The following DLGAP2 variants were observed in gnomAD, a reference collection of about 807,000 sequenced individuals.
DLGAP2 encodes the protein disks large-associated protein 2.
A neutral mutation model predicts 100.3 loss-of-function variants in DLGAP2; 26 were observed. The ratio of observed to expected loss-of-function variants is 0.26; its 90% confidence interval spans 0.19 to 0.36. DLGAP2 has a LOEUF of 0.36. Ranked by LOEUF, DLGAP2 falls within the 10% of genes least tolerant of loss-of-function variation. The pLI, the probability that DLGAP2 is intolerant of heterozygous loss-of-function variation, is 1.00. For missense variants in DLGAP2, 1,858 were observed against 1,453.2 expected, an observed-to-expected ratio of 1.28 and a Z score of -4.53; for synonymous variants, 886 against 630.1, an observed-to-expected ratio of 1.41 and a Z score of -6.08.
intron 2 of DLGAP2, among the ~76,000 whole-genome samples, chr8:1,188,597 G>A (rs1298865639): frequency 2.0e-5 from 3 of 151,986 alleles, no homozygotes; most frequent in African/African-American, 7.3e-5. Context: ...ACACACCCGG[G>A]ACGTCCGTGA....
intron 2 of DLGAP2, among the ~76,000 whole-genome samples, chr8:1,114,441 C>G (rs1012903513): frequency 6.6e-6 from 1 of 152,024 alleles, no homozygotes; most frequent in Non-Finnish European, 1.5e-5. Flanking sequence ...GTGTAAGTGT[C>G]CAGGAATTTA....
intron 3 of DLGAP2, among the ~76,000 whole-genome samples, chr8:1,339,545 T>C (rs1403192970): frequency 6.6e-6 from 1 of 152,258 alleles, no homozygotes; most frequent in Non-Finnish European, 1.5e-5. Context: ...AGCTTCCGTG[T>C]CACGTAAGTA....
intron 3 of DLGAP2, among the ~76,000 whole-genome samples, chr8:1,318,928 A>T (rs1266661166): frequency 6.6e-6 from 1 of 152,026 alleles, no homozygotes; most frequent in Admixed American, 6.5e-5. Flanking sequence ...GATTAACTCA[A>T]AACGCTCAGC....
intron 1 of DLGAP2, among the ~76,000 whole-genome samples, chr8:872,174 T>A (rs1467089707): frequency 1.3e-5 from 2 of 152,102 alleles, no homozygotes; most frequent in Non-Finnish European, 2.9e-5. Context: ...TAGAAGGAAT[T>A]TATTCTAAGG....
chr8:1,549,604 G>C lies in DLGAP2; in HGVS notation c.1151G>C (p.Arg384Pro), dbSNP rs370050230. 3.8e-6 allele frequency: 6 copies of C among 1,597,426 alleles called. No homozygotes were observed. The highest frequency in any genetic ancestry group is 1.1e-5 in the South Asian group (1 of 89,510). ...LTVSQAKEAY[R>P]KSSLNLDKPL... ...GTCAGCCAGGCCAAGGAGGCCTACC[G>C]CAAGAGCTCGCTGAACCTGGACAAG... Residue 384 changes from arginine to proline, a missense_variant, in exon 5 of 15, where the codon CGC becomes CCC. Coordinates refer to ENST00000637795, the MANE Select transcript of DLGAP2 (RefSeq NM_001346810.2).
At chr8:787,261 C>A (rs1015989155) in intron 1 of DLGAP2, among the ~76,000 whole-genome samples, 2 of 152,066 alleles carry the variant, frequency 1.3e-5, no homozygotes, top group Non-Finnish European at 2.9e-5. Flanking sequence ...GTAACTATGG[C>A]AGAGCCTGAC....
At chr8:1,569,129 C>G (rs1198317767) in intron 6 of DLGAP2, among the ~76,000 whole-genome samples, 1 of 149,468 alleles carries the variant, frequency 6.7e-6, no homozygotes, top group Non-Finnish European at 1.5e-5. Flanking sequence ...AGACACAAAT[C>G]CACTCTGCCC....
intron 2 of DLGAP2, among the ~76,000 whole-genome samples, chr8:1,062,481 T>C (rs1803114978): frequency 6.6e-6 from 1 of 152,112 alleles, no homozygotes; most frequent in South Asian, 2.1e-4. Flanking sequence ...GGCAGGAGGC[T>C]CTCCTCGGTA....
At chr8:1,092,578 C>T (rs1804221698) in intron 2 of DLGAP2, among the ~76,000 whole-genome samples, 1 of 152,198 alleles carries the variant, frequency 6.6e-6, no homozygotes, top group South Asian at 2.1e-4. Context: ...CACAGGTGGA[C>T]CCACTTCAGA....
chr8:1,382,877 C>G (rs1796128449), intron 3 of DLGAP2, among the ~76,000 whole-genome samples: 1 of 152,072 alleles, frequency 6.6e-6, no homozygotes, highest in African/African-American at 2.4e-5. Flanking sequence ...AGTTCTATAG[C>G]CAATTAAAAT....
chr8:1,454,945 C>T (rs369891097), intron 3 of DLGAP2, among the ~76,000 whole-genome samples: 7 of 152,264 alleles, frequency 4.6e-5, no homozygotes, highest in African/African-American at 1.4e-4. Flanking sequence ...CTGAGCTTCC[C>T]CGCCCATCGG....
chr8:878,768 C>T (rs11776653), intron 1 of DLGAP2, among the ~76,000 whole-genome samples: 122,454 of 151,618 alleles, frequency 0.81, 50,416 homozygotes, highest in African/African-American at 0.88. Flanking sequence ...TCCTGTTTGG[C>T]TTCTCTTTCA....
intron 3 of DLGAP2, among the ~76,000 whole-genome samples, chr8:1,272,752 G>T (rs150287848): frequency 6.6e-6 from 1 of 152,100 alleles, no homozygotes; most frequent in South Asian, 2.1e-4. Context: ...CTCGGACCAC[G>T]GGTGACTCTT....
At chr8:1,175,760 A>C (rs1171326278) in intron 2 of DLGAP2, among the ~76,000 whole-genome samples, 4 of 152,216 alleles carry the variant, frequency 2.6e-5, no homozygotes, top group African/African-American at 9.6e-5. Flanking sequence ...GATCTTTGTC[A>C]TTCACCCTAT....
At chr8:903,416 T>C (rs183823529) in intron 1 of DLGAP2, among the ~76,000 whole-genome samples, 1 of 152,166 alleles carries the variant, frequency 6.6e-6, no homozygotes, top group East Asian at 1.9e-4. Flanking sequence ...TCAATACATG[T>C]GCAAGGCCGT....
intron 2 of DLGAP2, among the ~76,000 whole-genome samples, chr8:1,203,315 G>C (rs542169591): frequency 1.3e-4 from 19 of 151,388 alleles, no homozygotes; most frequent in African/African-American, 4.3e-4. Context: ...TGAGACTGGC[G>C]TGTCCTTCGG....
At chr8:1,440,054 C>G (rs1431522199) in intron 3 of DLGAP2, among the ~76,000 whole-genome samples, 3 of 152,152 alleles carry the variant, frequency 2.0e-5, no homozygotes, top group Non-Finnish European at 2.9e-5. Context: ...AAAGACTCTT[C>G]TCAACCTCTG....
At chr8:785,936 A>G (rs990085603) in intron 1 of DLGAP2, among the ~76,000 whole-genome samples, 19 of 152,146 alleles carry the variant, frequency 1.2e-4, no homozygotes, top group African/African-American at 3.9e-4. Flanking sequence ...GACCGAATGA[A>G]TGAATGAGGG....
At chr8:1,111,374 C>T (rs1030574925) in intron 2 of DLGAP2, among the ~76,000 whole-genome samples, 3 of 152,080 alleles carry the variant, frequency 2.0e-5, no homozygotes, top group African/African-American at 7.2e-5. Context: ...TTCTGTGTGA[C>T]CTTGGGCGTG....
Sources: gnomAD v4.1 joint callset for allele counts (sites outside exome capture counted in the v4.1 genomes callset) on GRCh38, gnomAD v4.1.1 for gene constraint, MANE v1.5 for transcripts, NCBI Gene and HGNC (gene_info 2026-07-23, HGNC 2026-07-21) for gene names.